TP53BP2: variants seen among roughly 807,000 people sequenced by gnomAD.
The protein encoded by TP53BP2 is apoptosis-stimulating of p53 protein 2.
In TP53BP2, 62 loss-of-function variants were observed where a neutral mutation model predicts 126.2. The ratio of observed to expected loss-of-function variants is 0.49; its 90% CI spans 0.40 to 0.61. The LOEUF is 0.61. Ranked by LOEUF, TP53BP2 falls within the 20% of genes least tolerant of loss-of-function variation. The pLI is 0.00. For missense variants in TP53BP2, 1,215 were observed against 1,402.8 expected (o/e 0.87, Z 2.14); for synonymous variants, 485 against 502.9 (o/e 0.96, Z 0.48).
rs773748521 is a variant in TP53BP2 at position 223,789,188 on chromosome 1, T to A, written c.2997-14A>T. The A allele has an allele frequency of 1.1e-5, 17 of 1,613,984 alleles. No homozygotes were observed. The Middle Eastern group carries it at 8.2e-4, about 78-fold the overall frequency. Reference sequence around the variant, plus strand: ...TGTAATGGAGTCCTGTGAAGCAAGATACGAGGGCTAGAACTGTTTTCCTAA... The same window carrying A: ...TGTAATGGAGTCCTGTGAAGCAAGAAACGAGGGCTAGAACTGTTTTCCTAA... On this transcript the variant is annotated splice_polypyrimidine_tract_variant and intron_variant, in intron 15 of 17. Transcript: ENST00000343537.
intron 1 of TP53BP2, among the ~76,000 whole-genome samples, chr1:223,844,660 C>T (rs548656098): frequency 8.3e-4 from 127 of 152,266 alleles, no homozygotes; most frequent in African/African-American, 3.0e-3. Flanking sequence ...ATTGTTAAGT[C>T]GACCCAGTGA....
At chr1:223,841,295 A>T (rs1282461881) in intron 1 of TP53BP2, among the ~76,000 whole-genome samples, 2 of 144,902 alleles carry the variant, frequency 1.4e-5, no homozygotes, top group Non-Finnish European at 3.0e-5. Flanking sequence ...ACATTTCTAA[A>T]AATAGATTAT....
At chr1:223,824,829 C>T (rs946693763) in intron 1 of TP53BP2, among the ~76,000 whole-genome samples, 9 of 152,136 alleles carry the variant, frequency 5.9e-5, no homozygotes, top group African/African-American at 2.2e-4. Flanking sequence ...GCTCTATCAG[C>T]GTCCTCTTTG....
intron 1 of TP53BP2, among the ~76,000 whole-genome samples, chr1:223,835,769 A>C (rs894428322): frequency 2.0e-5 from 3 of 152,246 alleles, no homozygotes; most frequent in African/African-American, 7.2e-5. Flanking sequence ...TGCTAGAAAC[A>C]CAAAGATGAA....
Position 223,789,130 on chromosome 1 carries a change from C to G in TP53BP2, c.3041G>C (p.Cys1014Ser). 3 of 1,614,188 alleles carry G rather than the reference C, an allele frequency of 1.9e-6. No homozygotes were observed. The highest frequency in any genetic ancestry group is 1.3e-5 in the African/African-American group (1 of 75,036). The change falls in exon 16 of 18, where the codon TGT (cysteine) becomes TCT (serine). Residue 1014 changes from cysteine (C) to serine (S), a missense_variant. This residue lies in a region of TP53BP2 where 151 missense variants were observed against 231.2 expected (regional missense o/e 0.65). Transcript: ENST00000343537. ...GGCTCCTGACTCCACCAAAAACTTA[C>G]ACACTTGGACGTTGTTACATGAGGC... ...CAASCNNVQV[C>S]KFLVESGAAV... is the part of the protein sequence containing the mutation.
At chr1:223,826,432 T>C (rs1663497583) in intron 1 of TP53BP2, among the ~76,000 whole-genome samples, 1 of 152,144 alleles carries the variant, frequency 6.6e-6, no homozygotes, top group South Asian at 2.1e-4. Flanking sequence ...CTGAGAACCA[T>C]CGTCTAAGGC....
At chr1:223,819,314 G>A (rs1239753522) in intron 2 of TP53BP2, among the ~76,000 whole-genome samples, 2 of 152,058 alleles carry the variant, frequency 1.3e-5, no homozygotes, top group Non-Finnish European at 2.9e-5. Flanking sequence ...GTACAGCCCT[G>A]GCAAAGATAG....
intron 1 of TP53BP2, among the ~76,000 whole-genome samples, chr1:223,837,103 C>T (rs1382996086): frequency 7.7e-6 from 1 of 130,290 alleles, no homozygotes. Context: ...AGGTCACTCG[C>T]TACTTTGTGT....
In TP53BP2 at chr1:223,814,365, G is replaced by T; in HGVS notation, c.176-12C>A. The T allele has an allele frequency of 1.3e-6, 2 of 1,562,086 alleles. No individual in the cohort carries two copies. Among genetic ancestry groups the T allele is most frequent in the Non-Finnish European group, 1.8e-6 (2 of 1,133,436 alleles). ...CGCAACTGGACGTTCTAAAGCAAAT[G>T]AGTAGAAACCACATTATTTTCAGGT... On this transcript the variant is annotated splice_polypyrimidine_tract_variant and intron_variant, in intron 2 of 17. Coordinates refer to ENST00000343537, the MANE Select transcript of TP53BP2 (RefSeq NM_001031685.3).
intron 5 of TP53BP2, among the ~76,000 whole-genome samples, chr1:223,805,941 C>G (rs1571854175): frequency 2.0e-5 from 3 of 152,312 alleles, no homozygotes; most frequent in Admixed American, 1.3e-4. Context: ...TAGCCCTTTA[C>G]AGAGAAAGGT....
At position 223,796,333 on chromosome 1, in the gene TP53BP2, T is replaced by G; in HGVS notation, c.2206A>C (p.Arg736=). ...ALRKKLSNAP[R]PLKKRSSITE... ...ATAGAACTACGTTTCTTTAGAGGCC[T>G]TGGTGCGTTAGACAGTTTCTTTCGT... The change falls in exon 13 of 18, where the codon AGG becomes CGG. Residue 736 remains arginine (R), a synonymous_variant. Transcript: ENST00000343537. This position sits in a 1 kb window ranked among gnomAD's most constrained non-coding sequence, Gnocchi z 4.2. 6.2e-7 allele frequency: 1 copy of G among 1,614,222 alleles called. No homozygotes were observed. The highest frequency in any genetic ancestry group is 8.5e-7 in the Non-Finnish European group (1 of 1,180,032).
intron 1 of TP53BP2, chr1:223,845,233 T>C (rs1045462568): frequency 3.5e-5 from 34 of 984,904 alleles, no homozygotes; most frequent in Non-Finnish European, 4.1e-5. Flanking sequence ...AAAGCAAAGG[T>C]ACCCGTTCCA....
At chr1:223,837,826 C>T (rs1663973439) in intron 1 of TP53BP2, among the ~76,000 whole-genome samples, 1 of 152,056 alleles carries the variant, frequency 6.6e-6, no homozygotes, top group African/African-American at 2.4e-5. Flanking sequence ...TCCCATGCCA[C>T]CTCCACCCTT....
chr1:223,816,947 C>T (rs556221418), intron 2 of TP53BP2, among the ~76,000 whole-genome samples: 4 of 151,218 alleles, frequency 2.6e-5, no homozygotes, highest in Non-Finnish European at 5.9e-5. Flanking sequence ...ATCACTTAAG[C>T]CCAGGAGTTC....
At position 223,800,695 on chromosome 1, in the gene TP53BP2, C is replaced by G. The variant is rs753809241; in HGVS notation, c.1336+5G>C. The stretch of plus-strand genomic sequence containing the variant: ...ATGTTCAAGAGTAGCACAAATAAAT[C>G]TCACCTTGATCCAGAGCATTCCCAG... On this transcript the variant is annotated splice_donor_5th_base_variant and intron_variant, in intron 10 of 17. Coordinates refer to ENST00000343537, the MANE Select transcript of TP53BP2 (RefSeq NM_001031685.3). 1.3e-6 allele frequency: 2 copies of G among 1,585,688 alleles called. No homozygotes were observed. Among genetic ancestry groups the G allele is most frequent in the East Asian group, 4.6e-5 (2 of 43,898 alleles).
At chr1:223,813,705 A>G (rs1323124869) in intron 3 of TP53BP2, among the ~76,000 whole-genome samples, 1 of 152,126 alleles carries the variant, frequency 6.6e-6, no homozygotes, top group East Asian at 1.9e-4. Flanking sequence ...GTATGGTCTC[A>G]TGGTCTCTAA....
intron 1 of TP53BP2, among the ~76,000 whole-genome samples, chr1:223,826,923 A>G (rs932334556): frequency 3.9e-5 from 6 of 152,210 alleles, no homozygotes; most frequent in Admixed American, 6.5e-5. Flanking sequence ...AGATAGAGCC[A>G]GTAAGACTCG....
At position 223,796,107 on chromosome 1, in the gene TP53BP2, G is replaced by C. The variant is rs775968132; in HGVS notation, c.2432C>G (p.Pro811Arg). Residue 811 changes from proline to arginine, a missense_variant, in exon 13 of 18, where the codon CCT (proline) becomes CGT (arginine). Coordinates refer to ENST00000343537, the MANE Select transcript of TP53BP2 (RefSeq NM_001031685.3). This position sits in a 1 kb window ranked among gnomAD's most constrained non-coding sequence, Gnocchi z 4.2. ...CACATCCTCTGGGGACAATGATTCA[G>C]GAACCAGAGAGACCACCTCCTTTTC... Reference protein sequence around the residue: ...EPEKEVVSLVPESLSPEDVGN... With the variant: ...EPEKEVVSLVRESLSPEDVGN... 1.2e-6 allele frequency: 2 copies of C among 1,614,176 alleles called. No individual in the cohort carries two copies. The highest frequency in any genetic ancestry group is 2.2e-5 in the South Asian group (2 of 91,080).
intron 2 of TP53BP2, among the ~76,000 whole-genome samples, chr1:223,815,114 T>G (rs1023994042): frequency 2.0e-5 from 3 of 152,206 alleles, no homozygotes; most frequent in Non-Finnish European, 4.4e-5. Flanking sequence ...GAAACTCCAG[T>G]AATGTCAACA....
Sources: allele counts gnomAD v4.1 joint callset (sites outside exome capture counted in the v4.1 genomes callset), GRCh38; gene constraint gnomAD v4.1.1; regional missense constraint gnomAD v4.1.1; non-coding constraint Gnocchi (gnomAD v3.1); transcripts MANE v1.5; gene names NCBI Gene and HGNC (gene_info 2026-07-23, HGNC 2026-07-21).